Variants in RANBP2 observed in about 807,000 individuals in gnomAD.
The protein encoded by RANBP2 is E3 SUMO-protein ligase RanBP2.
RANBP2 carries 57 observed loss-of-function variants against 303.6 expected under a neutral mutation model. The observed-to-expected ratio is 0.19, with a 90% confidence interval of 0.15 to 0.23. The LOEUF (loss-of-function observed/expected upper bound fraction) is 0.23. Ranked by LOEUF, RANBP2 falls within the 10% of genes least tolerant of loss-of-function variation. RANBP2 has a pLI of 1.00. For missense variants in RANBP2, 3,138 were observed against 3,780.8 expected, an observed-to-expected ratio of 0.83 and a Z score of 4.46; for synonymous variants, 1,167 against 1,301.5, an observed-to-expected ratio of 0.90 and a Z score of 2.23.
At chr2:109,053,090 G>T in the RANBP2 span, among the ~76,000 whole-genome samples, 1 of 152,164 alleles carries the variant, frequency 6.6e-6, no homozygotes, top group East Asian at 1.9e-4. Context: ...GAGGGTGAGG[G>T]CGCTGTGGTC....
At chr2:109,401,874 A>G in the RANBP2 span, among the ~76,000 whole-genome samples, 1 of 152,200 alleles carries the variant, frequency 6.6e-6, no homozygotes, top group Non-Finnish European at 1.5e-5. Context: ...TAATTTGCAT[A>G]CTACCTGGCT....
the RANBP2 span, among the ~76,000 whole-genome samples, chr2:109,198,318 A>G: frequency 1.3e-5 from 2 of 152,198 alleles, no homozygotes; most frequent in African/African-American, 4.8e-5. Flanking sequence ...CCTGAGGAAT[A>G]AATTATCAAC....
At chr2:109,465,872 T>C in the RANBP2 span, among the ~76,000 whole-genome samples, 2 of 152,098 alleles carry the variant, frequency 1.3e-5, no homozygotes. Flanking sequence ...AAGGAGACGG[T>C]GTTAAACCAT....
chr2:109,115,547 T>G, the RANBP2 span, among the ~76,000 whole-genome samples: 9 of 152,268 alleles, frequency 5.9e-5, no homozygotes, highest in African/African-American at 2.2e-4. Context: ...ATAGGTTTCC[T>G]GAATACAGCG....
the RANBP2 span, among the ~76,000 whole-genome samples, chr2:109,178,560 C>T: frequency 6.6e-6 from 1 of 152,148 alleles, no homozygotes; most frequent in Non-Finnish European, 1.5e-5. Flanking sequence ...ACTCTTTAAC[C>T]CAAAGCCTTT....
the RANBP2 span, among the ~76,000 whole-genome samples, chr2:109,023,465 C>G: frequency 6.6e-6 from 1 of 152,148 alleles, no homozygotes; most frequent in Admixed American, 6.5e-5. Flanking sequence ...TAGCTTTTTG[C>G]TGTCAGCCCT....
At chr2:109,383,008 A>G in the RANBP2 span, among the ~76,000 whole-genome samples, 1 of 152,222 alleles carries the variant, frequency 6.6e-6, no homozygotes, top group South Asian at 2.1e-4. Flanking sequence ...CTGAACCTGG[A>G]GATCGGCCTT....
At chr2:109,676,936 T>C in the RANBP2 span, among the ~76,000 whole-genome samples, 1 of 152,176 alleles carries the variant, frequency 6.6e-6, no homozygotes, top group African/African-American at 2.4e-5. Flanking sequence ...GGTGTGAGAT[T>C]TGAATTTGAG....
rs762080752 is a variant in RANBP2, at chr2:108,763,750, A to C, written c.3211A>C (p.Thr1071Pro). The change falls in exon 20 of 29, where the codon ACT (threonine) becomes CCT (proline). Residue 1071 changes from threonine to proline, a missense_variant. This residue lies in a region of RANBP2 where 403 missense variants were observed against 376.7 expected (regional missense o/e 1.07). Transcript: ENST00000283195. Reference sequence around the variant, plus strand: ...CAGTGAAAGCCTTTTAGGTCTCCTGACTTCAGATAAACCCTTGCAAGGAGA... The same window carrying C: ...CAGTGAAAGCCTTTTAGGTCTCCTGCCTTCAGATAAACCCTTGCAAGGAGA... ...SNSESLLGLL[T>P]SDKPLQGDGY... The C allele has an allele frequency of 1.2e-6, 2 of 1,613,950 alleles. No individual in the cohort carries two copies. The highest frequency in any genetic ancestry group is 4.5e-5 in the East Asian group (2 of 44,900).
chr2:109,172,396 G>A, the RANBP2 span, among the ~76,000 whole-genome samples: 1 of 152,192 alleles, frequency 6.6e-6, no homozygotes, highest in South Asian at 2.1e-4. Context: ...CCCTGCTCCT[G>A]GAGGTCTTCC....
chr2:109,129,728 G>A, the RANBP2 span: 1 of 1,538,464 alleles, frequency 6.5e-7, no homozygotes, highest in Non-Finnish European at 8.7e-7. Context: ...TGTCTGGAGC[G>A]CCTGGACACC....
chr2:109,484,789 C>T, the RANBP2 span, among the ~76,000 whole-genome samples: 4 of 152,204 alleles, frequency 2.6e-5, no homozygotes, highest in Admixed American at 2.6e-4. Flanking sequence ...CTGGTATCAA[C>T]AGTCGAGGCC....
At chr2:109,472,549 T>C in the RANBP2 span, among the ~76,000 whole-genome samples, 4 of 152,282 alleles carry the variant, frequency 2.6e-5, no homozygotes, top group East Asian at 3.9e-4. Flanking sequence ...CCCGATCCAA[T>C]TGATGAACCG....
At chr2:108,789,809 A>G (rs573147258), downstream of RANBP2, among the ~76,000 whole-genome samples, 1 of 152,184 alleles carries the variant, frequency 6.6e-6, no homozygotes, top group Non-Finnish European at 1.5e-5. Flanking sequence ...ACTATTTACT[A>G]TGGGGAAAAA....
the RANBP2 span, chr2:108,912,630 C>T: frequency 1.1e-5 from 16 of 1,508,866 alleles, no homozygotes; most frequent in South Asian, 2.4e-5. Context: ...AGCTTTCATC[C>T]GAGTACCACC....
chr2:109,221,229 T>C, the RANBP2 span, among the ~76,000 whole-genome samples: 14 of 152,324 alleles, frequency 9.2e-5, no homozygotes, highest in South Asian at 4.1e-4. Flanking sequence ...TCTTAATTTT[T>C]TTCTTTTCAA....
the RANBP2 span, among the ~76,000 whole-genome samples, chr2:109,349,851 G>A: frequency 4.6e-5 from 7 of 152,246 alleles, no homozygotes; most frequent in Non-Finnish European, 8.8e-5. Flanking sequence ...CCCAGGATGT[G>A]CAACCCCAGG....
the RANBP2 span, among the ~76,000 whole-genome samples, chr2:109,648,489 A>G: frequency 1.3e-5 from 2 of 151,998 alleles, no homozygotes; most frequent in African/African-American, 4.8e-5. Flanking sequence ...GAATACAGGC[A>G]TATGTCATGA....
chr2:109,647,209 G>A, the RANBP2 span, among the ~76,000 whole-genome samples: 2 of 140,586 alleles, frequency 1.4e-5, no homozygotes, highest in Admixed American at 1.5e-4. Flanking sequence ...CTGTCGTCAG[G>A]CTGGAATGCA....
Sources: allele counts gnomAD v4.1 joint callset (sites outside exome capture counted in the v4.1 genomes callset), GRCh38; gene constraint gnomAD v4.1.1; regional missense constraint gnomAD v4.1.1; transcripts MANE v1.5; gene names NCBI Gene and HGNC (gene_info 2026-07-23, HGNC 2026-07-21).